TBC1D5: variants seen among roughly 807,000 people sequenced by gnomAD.
TBC1D5 encodes TBC1 domain family member 5, also known as TBC1 domain family, member 5.
A neutral mutation model predicts 100.3 loss-of-function variants in TBC1D5; 75 were observed. The observed-to-expected ratio is 0.75, with a 90% CI of 0.62 to 0.91. TBC1D5 has a LOEUF of 0.91. Among genes scored for constraint, TBC1D5 ranks in the 40% least tolerant of loss-of-function variants. The probability of loss-of-function intolerance (pLI) is 0.00; values close to 1 mark genes in which losing one functional copy is unlikely to be tolerated. For missense variants in TBC1D5, 910 were observed against 942.4 expected (o/e 0.97, Z 0.45); for synonymous variants, 323 against 325.6 (o/e 0.99, Z 0.09).
At chr3:17,347,118 T>C (rs551652696) in intron 13 of TBC1D5, among the ~76,000 whole-genome samples, 1 of 152,328 alleles carries the variant, frequency 6.6e-6, no homozygotes, top group African/African-American at 2.4e-5. Context: ...CACAGATTGC[T>C]TTTCAAGAGG....
chr3:17,736,551 A>G (rs916595814), intron 1 of TBC1D5, among the ~76,000 whole-genome samples: 11 of 152,164 alleles, frequency 7.2e-5, no homozygotes, highest in African/African-American at 2.4e-4. Flanking sequence ...TCCATCTCCT[A>G]TCAACTCCAC....
intron 2 of TBC1D5, among the ~76,000 whole-genome samples, chr3:17,585,149 TA>T (rs1381841917): frequency 6.6e-6 from 1 of 152,156 alleles, no homozygotes; most frequent in African/African-American, 2.4e-5. Flanking sequence ...AACTTTCTAA[TA>T]AAAAATATTA....
intron 4 of TBC1D5, among the ~76,000 whole-genome samples, chr3:17,411,927 C>T (rs1215533045): frequency 1.3e-5 from 2 of 152,120 alleles, no homozygotes; most frequent in Non-Finnish European, 2.9e-5. Flanking sequence ...GCTCTAACAA[C>T]AGAGGAGCAT....
chr3:17,706,804 G>A (rs1161583257), intron 1 of TBC1D5, among the ~76,000 whole-genome samples: 4 of 150,968 alleles, frequency 2.6e-5, no homozygotes, highest in Non-Finnish European at 5.9e-5. Context: ...CTCATAATTT[G>A]TATAAAAATC....
At chr3:17,243,126 C>T (rs916609233) in intron 16 of TBC1D5, among the ~76,000 whole-genome samples, 1 of 152,146 alleles carries the variant, frequency 6.6e-6, no homozygotes, top group African/African-American at 2.4e-5. Context: ...TGTTACCAAT[C>T]CATCTTTTAG....
intron 1 of TBC1D5, among the ~76,000 whole-genome samples, chr3:17,658,498 A>G (rs775086583): frequency 6.6e-6 from 1 of 152,178 alleles, no homozygotes; most frequent in African/African-American, 2.4e-5. Context: ...TATTAAAAGC[A>G]TAGTAAAAAT....
chr3:17,632,126 C>G (rs1303315088), intron 1 of TBC1D5, among the ~76,000 whole-genome samples: 6 of 152,096 alleles, frequency 3.9e-5, no homozygotes, highest in Non-Finnish European at 2.9e-5. Context: ...GGGAGGAAGT[C>G]AAAATATCAA....
Position 17,233,807 on chromosome 3 carries a change from C to T in TBC1D5, c.1588+4356G>A, listed in dbSNP as rs2075636088. ...CATAAAAAGGAAATAATCAACTTCACTTTTCTTTTATACTGAATGTTCTAA... is the reference window on the plus strand; with the variant it reads ...CATAAAAAGGAAATAATCAACTTCATTTTTCTTTTATACTGAATGTTCTAA... On this transcript the variant is annotated intron_variant, in intron 17 of 21. Coordinates refer to ENST00000253692, the Ensembl canonical transcript of TBC1D5. 4.3e-6 allele frequency: 5 copies of T among 1,149,714 alleles called. No homozygotes were observed. The South Asian group carries it at 5.6e-5, about 13-fold the overall frequency. The allele number at this position is 1,149,714 out of a possible 1,614,324, so 71.2% of individuals were successfully genotyped here. A position where few individuals can be genotyped will look rare whatever the true frequency, so the allele number is the denominator to read the frequency against.
At chr3:17,207,244 C>T (rs2072331999) in intron 18 of TBC1D5, among the ~76,000 whole-genome samples, 1 of 152,058 alleles carries the variant, frequency 6.6e-6, no homozygotes, top group Non-Finnish European at 1.5e-5. Context: ...TAGAACATGA[C>T]TAACAGTGCT....
At chr3:17,532,830 C>G (rs11918823) in intron 2 of TBC1D5, among the ~76,000 whole-genome samples, 1,896 of 102,490 alleles carry the variant, frequency 0.018, 42 homozygotes, top group African/African-American at 0.067. Flanking sequence ...ACACCGGGGA[C>G]TGTTATGGGG....
rs570149364 is a variant in TBC1D5, at chr3:17,370,688, G to GA, written c.995+1386dup. ...GGGCTTCCAGAGAAGAAAAACAGCTGAGAGTTATTATTCATGGAAGACTCT... is the reference window on the plus strand; with the variant it reads ...GGGCTTCCAGAGAAGAAAAACAGCTGAAGAGTTATTATTCATGGAAGACTCT... On this transcript the variant is annotated intron_variant, in intron 13 of 21. Coordinates refer to ENST00000253692, the Ensembl canonical transcript of TBC1D5. Among the ~76,000 whole-genome samples the GA allele has an allele frequency of 1.0e-3, 155 of 152,236 alleles. 2 individuals carry two copies. The South Asian group carries it at 0.018, about 18-fold the overall frequency.
At chr3:17,339,615 T>C (rs10446445) in intron 13 of TBC1D5, among the ~76,000 whole-genome samples, 13,713 of 152,220 alleles carry the variant, frequency 0.09, 1,420 homozygotes, top group African/African-American at 0.26. Context: ...AGAAACTAAT[T>C]TTCGTATACT....
intron 1 of TBC1D5, among the ~76,000 whole-genome samples, chr3:17,693,957 T>C (rs2071590938): frequency 6.6e-6 from 1 of 152,196 alleles, no homozygotes; most frequent in Admixed American, 6.5e-5. Context: ...AAACAGAGTC[T>C]GGAGTGGACC....
chr3:17,421,636 T>C (rs777355340), intron 4 of TBC1D5, among the ~76,000 whole-genome samples: 2 of 152,204 alleles, frequency 1.3e-5, no homozygotes, highest in Non-Finnish European at 2.9e-5. Context: ...AGTTACCTAC[T>C]ATGTTTTCAT....
chr3:17,617,826 T>G (rs1294975342), intron 2 of TBC1D5, among the ~76,000 whole-genome samples: 1 of 152,230 alleles, frequency 6.6e-6, no homozygotes, highest in East Asian at 1.9e-4. Flanking sequence ...TTTAGCTTCC[T>G]TGCGATGTGT....
chr3:17,674,573 T>G (rs17273069), intron 1 of TBC1D5, among the ~76,000 whole-genome samples: 3 of 152,162 alleles, frequency 2.0e-5, no homozygotes, highest in Non-Finnish European at 4.4e-5. Flanking sequence ...TCAACTCTGA[T>G]TGGCATAAAT....
chr3:17,454,507 T>G (rs2095006653), intron 3 of TBC1D5, among the ~76,000 whole-genome samples: 1 of 152,174 alleles, frequency 6.6e-6, no homozygotes, highest in South Asian at 2.1e-4. Flanking sequence ...TCACCCAGGC[T>G]AGAGTGCAGT....
At chr3:17,631,352 C>A (rs2063496215) in intron 1 of TBC1D5, among the ~76,000 whole-genome samples, 1 of 152,074 alleles carries the variant, frequency 6.6e-6, no homozygotes, top group Non-Finnish European at 1.5e-5. Flanking sequence ...GACATTGATT[C>A]CTACGGTTGA....
chr3:17,666,619 T>G (rs1197984740), intron 1 of TBC1D5, among the ~76,000 whole-genome samples: 1 of 152,202 alleles, frequency 6.6e-6, no homozygotes, highest in East Asian at 1.9e-4. Context: ...TCTCCATTAC[T>G]TATTAAGTAG....
Sources: gnomAD v4.1 joint callset for allele counts (sites outside exome capture counted in the v4.1 genomes callset) on GRCh38, gnomAD v4.1.1 for gene constraint, MANE v1.5 for transcripts, NCBI Gene and HGNC (gene_info 2026-07-23, HGNC 2026-07-21) for gene names.